The following CA5A variants were observed in gnomAD, a reference collection of about 807,000 sequenced individuals.
CA5A encodes carbonic anhydrase 5A.
A neutral mutation model predicts 37.1 loss-of-function variants in CA5A; 28 were observed. That is an observed-to-expected ratio of 0.75 (90% CI 0.56 to 1.03). The LOEUF (loss-of-function observed/expected upper bound fraction) is 1.03, where lower values mean the gene tolerates loss of function less well. Ranked by LOEUF, CA5A falls within the 50% of genes least tolerant of loss-of-function variation. The pLI, the probability that CA5A is intolerant of heterozygous loss-of-function variation, is 0.00. For missense variants in CA5A, 444 were observed against 399.9 expected, an observed-to-expected ratio of 1.11 and a Z score of -0.94; for synonymous variants, 171 against 158.4, an observed-to-expected ratio of 1.08 and a Z score of -0.60.
In CA5A at chr16:87,932,928, C is replaced by T. The variant is rs528796302; in HGVS notation, c.142+3381G>A. Among the ~76,000 whole-genome samples the T allele has an allele frequency of 4.5e-4, 69 of 152,332 alleles. 2 individuals are homozygous for T. The highest frequency in any genetic ancestry group is 1.4e-3 in the African/African-American group (58 of 41,574). ...ACCACTGGGACATTAGCAGACATGACGTGAGCAGTAGCTTGGAATACATGG... is the reference window on the plus strand; with the variant it reads ...ACCACTGGGACATTAGCAGACATGATGTGAGCAGTAGCTTGGAATACATGG... On this transcript the variant is annotated intron_variant, in intron 1 of 6. Transcript: ENST00000649794.
At chr16:87,896,414 T>G (rs1164301132) in intron 5 of CA5A, among the ~76,000 whole-genome samples, 1 of 152,218 alleles carries the variant, frequency 6.6e-6, no homozygotes. Flanking sequence ...AGCAGCCATG[T>G]GGTTACAGAA....
chr16:87,913,709 C>A (rs978912584), intron 2 of CA5A, among the ~76,000 whole-genome samples: 10 of 152,054 alleles, frequency 6.6e-5, no homozygotes, highest in African/African-American at 2.4e-4. Context: ...CCCTCCTCCT[C>A]CACCCCACAC....
chr16:87,922,217 G>A lies in CA5A; in HGVS notation c.340+4531C>T, dbSNP rs143076712. 6.8e-3 allele frequency among the ~76,000 whole-genome samples: 1,036 copies of A among 152,168 alleles called. 9 individuals carry two copies. The highest frequency in any genetic ancestry group is 0.024 in the African/African-American group (984 of 41,502). Reference sequence around the variant, plus strand: ...TGTTTGTCAGCCCCCCATAAAATTAGCATTTTATTCACTGATGTGAATAAT... The same window carrying A: ...TGTTTGTCAGCCCCCCATAAAATTAACATTTTATTCACTGATGTGAATAAT... On this transcript the variant is annotated intron_variant, in intron 2 of 6. Coordinates refer to ENST00000649794, the MANE Select transcript of CA5A (RefSeq NM_001739.2).
chr16:87,933,026 G>T (rs1330904018), intron 1 of CA5A, among the ~76,000 whole-genome samples: 1 of 152,242 alleles, frequency 6.6e-6, no homozygotes, highest in African/African-American at 2.4e-5. Context: ...GCTGCGAAGG[G>T]AGGATGAGAG....
chr16:87,895,991 T>TGG (rs1023768160), intron 5 of CA5A, among the ~76,000 whole-genome samples: 1 of 152,152 alleles, frequency 6.6e-6, no homozygotes, highest in Non-Finnish European at 1.5e-5. Flanking sequence ...CTGGTGCACG[T>TGG]GGGTAACAGG....
At chr16:87,894,131 T>C (rs1266980525) in intron 5 of CA5A, among the ~76,000 whole-genome samples, 3 of 152,040 alleles carry the variant, frequency 2.0e-5, no homozygotes, top group African/African-American at 7.2e-5. Flanking sequence ...AACTTTTTAT[T>C]TTTTTTATTT....
chr16:87,920,867 G>C (rs1434574990), intron 2 of CA5A, among the ~76,000 whole-genome samples: 4 of 151,962 alleles, frequency 2.6e-5, no homozygotes, highest in African/African-American at 9.7e-5. Context: ...GATCTCGGCT[G>C]ACCGCAACCT....
intron 3 of CA5A, among the ~76,000 whole-genome samples, chr16:87,903,268 T>C (rs1270581264): frequency 6.6e-6 from 1 of 151,984 alleles, no homozygotes; most frequent in South Asian, 2.1e-4. Context: ...CCGTCCCTAC[T>C]AAAACTACAA....
chr16:87,903,658 C>G (rs1001806722), intron 3 of CA5A, among the ~76,000 whole-genome samples: 1 of 152,176 alleles, frequency 6.6e-6, no homozygotes, highest in African/African-American at 2.4e-5. Context: ...TGTGAGATTA[C>G]AAGCAATTTT....
At chr16:87,907,615 T>G (rs1196515761) in intron 2 of CA5A, among the ~76,000 whole-genome samples, 1 of 152,160 alleles carries the variant, frequency 6.6e-6, no homozygotes, top group East Asian at 1.9e-4. Context: ...CCCATCCAGT[T>G]GCACTCTTAG....
At chr16:87,925,877 C>A (rs1164997271) in intron 2 of CA5A, among the ~76,000 whole-genome samples, 1 of 152,096 alleles carries the variant, frequency 6.6e-6, no homozygotes, top group Admixed American at 6.6e-5. Context: ...CCCCTGCTCC[C>A]CTCCAGCCGC....
chr16:87,913,385 C>T (rs1317550857), intron 2 of CA5A, among the ~76,000 whole-genome samples: 1 of 151,118 alleles, frequency 6.6e-6, no homozygotes, highest in Non-Finnish European at 1.5e-5. Flanking sequence ...TCACTGCAGC[C>T]TCAACCTCCT....
In CA5A at chr16:87,897,671, C is replaced by T. The variant is rs549943560; in HGVS notation, c.618+4241G>A. On this transcript the variant is annotated intron_variant, in intron 5 of 6. Coordinates refer to ENST00000649794, the MANE Select transcript of CA5A (RefSeq NM_001739.2). ...GTTCTGACTGCATGCGGGAGGTGGG[C>T]GCCAGGATGACTGGGACTTCAGGCT... is the stretch of plus-strand genomic sequence containing the variant. Among the ~76,000 whole-genome samples, 157 of 152,298 alleles carry T rather than the reference C, an allele frequency of 1.0e-3. 1 individual carries two copies. Among genetic ancestry groups the T allele is most frequent in the Non-Finnish European group, 1.9e-3 (129 of 68,026 alleles).
chr16:87,888,482 G>C (rs985035411), intron 6 of CA5A, among the ~76,000 whole-genome samples: 30 of 152,252 alleles, frequency 2.0e-4, no homozygotes, highest in African/African-American at 5.1e-4. Context: ...ACTTGCTCTG[G>C]GGGGAAGCTG....
At chr16:87,902,611 A>C (rs1384318002) in intron 3 of CA5A, 91 bp from the exon 4 acceptor site, 11 of 748,034 alleles carry the variant, frequency 1.5e-5, no homozygotes, top group Non-Finnish European at 2.4e-5. Flanking sequence ...GTGTCCACTT[A>C]ATCATAATGA....
At chr16:87,906,589 T>C (rs2055965270) in intron 2 of CA5A, among the ~76,000 whole-genome samples, 1 of 152,002 alleles carries the variant, frequency 6.6e-6, no homozygotes, top group African/African-American at 2.4e-5. Flanking sequence ...AACGTGCCAC[T>C]GTACTCCAGA....
At chr16:87,913,568 C>T (rs1476551121) in intron 2 of CA5A, among the ~76,000 whole-genome samples, 2 of 152,178 alleles carry the variant, frequency 1.3e-5, no homozygotes, top group East Asian at 1.9e-4. Flanking sequence ...AAAGCCTCAG[C>T]ATTCCTCTTC....
chr16:87,906,518 T>G (rs181934891), intron 2 of CA5A, among the ~76,000 whole-genome samples: 14 of 152,028 alleles, frequency 9.2e-5, no homozygotes, highest in South Asian at 2.1e-4. Context: ...TCCCAGCTAC[T>G]CGGGAGGCTG....
rs1273256990 is a variant in CA5A at position 87,902,461 on chromosome 16, TC to T, written c.518del (p.Gly173GlufsTer7). Reference protein sequence around the residue: ...KYQNYKEAVVGENGLAVIGVF... With the variant: ...KYQNYKEAVVXENGLAVIGVF... ...CGCCTATCACAGCCAAACCATTCTCTCCCACGACAGCTTCCTTGTAATTTTG... is the reference window on the plus strand; with the variant it reads ...CGCCTATCACAGCCAAACCATTCTCTCCACGACAGCTTCCTTGTAATTTTG... On this transcript the variant is annotated frameshift_variant, in exon 4 of 7. Coordinates refer to ENST00000649794, the MANE Select transcript of CA5A (RefSeq NM_001739.2). LOFTEE classifies it high-confidence loss of function. 6.2e-7 allele frequency: 1 copy of T among 1,612,478 alleles called. No individual in the cohort carries two copies. Among genetic ancestry groups the T allele is most frequent in the East Asian group, 2.2e-5 (1 of 44,882 alleles).
Sources: gnomAD v4.1 joint callset for allele counts (sites outside exome capture counted in the v4.1 genomes callset) on GRCh38, gnomAD v4.1.1 for gene constraint, MANE v1.5 for transcripts, NCBI Gene and HGNC (gene_info 2026-07-23, HGNC 2026-07-21) for gene names.